PCDHGB2: variants seen among roughly 807,000 people sequenced by gnomAD.
PCDHGB2 encodes protocadherin gamma subfamily B, 2, also known as protocadherin gamma-B2.
Under a neutral mutation model 59.3 loss-of-function variants are expected in PCDHGB2, and 55 were observed. The ratio of observed to expected loss-of-function variants is 0.93; its 90% CI spans 0.75 to 1.16. The LOEUF (loss-of-function observed/expected upper bound fraction) is 1.16. Ranked by LOEUF, PCDHGB2 falls within the 50% of genes most tolerant of loss-of-function variation. PCDHGB2 has a pLI of 0.00. For missense variants in PCDHGB2, 1,228 were observed against 1,198.5 expected, an observed-to-expected ratio of 1.02 and a Z score of -0.36; for synonymous variants, 516 against 512.0, an observed-to-expected ratio of 1.01 and a Z score of -0.11.
chr5:141,427,881 C>T (rs774499492), intron 1 of PCDHGB2: 6 of 1,563,720 alleles, frequency 3.8e-6, no homozygotes, highest in South Asian at 3.3e-5. Context: ...GATGCAGGCC[C>T]ACGACCAGGG....
intron 1 of PCDHGB2, among the ~76,000 whole-genome samples, chr5:141,437,452 G>GACTAT (rs1319101256): frequency 6.6e-6 from 1 of 152,144 alleles, no homozygotes; most frequent in Non-Finnish European, 1.5e-5. Context: ...ATGTTGAGGA[G>GACTAT]ACTATACTAT....
Position 141,432,016 on chromosome 5 carries a change from C to T in PCDHGB2, c.2422-62791C>T, listed in dbSNP as rs771650925. The T allele has an allele frequency of 1.2e-6, 2 of 1,614,202 alleles. No homozygotes were observed. The highest frequency in any genetic ancestry group is 3.3e-5 in the Admixed American group (2 of 60,030). On this transcript the variant is annotated intron_variant, in intron 1 of 3. Coordinates refer to ENST00000522605, the MANE Select transcript of PCDHGB2 (RefSeq NM_018923.3). This position sits in a 1 kb window ranked among gnomAD's most constrained non-coding sequence, Gnocchi z 6.0. ...ATAGGGAACAGGTTCCTAGCTACAA[C>T]ATCACAGTGACCGCCACTGACCGGG...
intron 1 of PCDHGB2, chr5:141,372,617 C>A: frequency 6.2e-7 from 1 of 1,614,010 alleles, no homozygotes; most frequent in South Asian, 1.1e-5. Flanking sequence ...GAGTTCTCCC[C>A]ACCTACAGCG....
intron 1 of PCDHGB2, chr5:141,415,782 T>C: frequency 7.4e-7 from 1 of 1,356,228 alleles, no homozygotes. Context: ...TACTTTCTGG[T>C]AAAATTCACC....
Position 141,456,465 on chromosome 5 carries a change from C to T in PCDHGB2, c.2422-38342C>T, listed in dbSNP as rs553441797. ...ACAGAGTCCAAATATCAATACAAGA[C>T]ATATAAGCAAGAGAGTGCTTAATAA... On this transcript the variant is annotated intron_variant, in intron 1 of 3. Coordinates refer to ENST00000522605, the MANE Select transcript of PCDHGB2 (RefSeq NM_018923.3). 2.6e-5 allele frequency among the ~76,000 whole-genome samples: 4 copies of T among 152,212 alleles called. No homozygotes were observed. In the East Asian group the frequency reaches 7.7e-4, roughly 29 times the overall value.
intron 1 of PCDHGB2, chr5:141,384,132 C>T (rs1290502346): frequency 6.2e-7 from 1 of 1,611,710 alleles, no homozygotes; most frequent in Non-Finnish European, 8.5e-7. Context: ...AAAACTTGGA[C>T]CGGGAAACAC....
intron 2 of PCDHGB2, 88 bp from the exon 3 acceptor site, chr5:141,505,305 C>G (rs1363643214): frequency 1.0e-5 from 16 of 1,595,104 alleles, no homozygotes; most frequent in African/African-American, 2.7e-5. Flanking sequence ...GGTTAGGGTA[C>G]TAGGTTTGGG....
intron 1 of PCDHGB2, chr5:141,441,799 G>C (rs546770596): frequency 2.6e-6 from 1 of 385,350 alleles, no homozygotes; most frequent in Non-Finnish European, 5.2e-6. Context: ...AACGCACCGC[G>C]GGTGCTGTAC....
intron 1 of PCDHGB2, chr5:141,375,591 C>T (rs1177848611): frequency 6.2e-7 from 1 of 1,614,194 alleles, no homozygotes; most frequent in East Asian, 2.2e-5. Flanking sequence ...CCCCTGTCCT[C>T]CTACGTGTCC....
rs201673318 is a variant in PCDHGB2, at chr5:141,421,626, C to G, written c.2421+59070C>G. On this transcript the variant is annotated intron_variant, in intron 1 of 3. Coordinates refer to ENST00000522605, the MANE Select transcript of PCDHGB2 (RefSeq NM_018923.3). ...TAGATATTAATGATAACGCCCCCAG[C>G]TTCCAGGAGGACGAAGTGGAGATAA... 1.9e-6 allele frequency: 3 copies of G among 1,613,842 alleles called. No individual in the cohort carries two copies. In the African/African-American group the frequency reaches 4.0e-5, roughly 21 times the overall value.
chr5:141,375,876 C>T, intron 1 of PCDHGB2: 1 of 1,613,848 alleles, frequency 6.2e-7, no homozygotes, highest in Non-Finnish European at 8.5e-7. Context: ...GACAGAGACT[C>T]GGGCCAGAAC....
chr5:141,497,832 G>C (rs1326640712), intron 2 of PCDHGB2, among the ~76,000 whole-genome samples: 1 of 151,992 alleles, frequency 6.6e-6, no homozygotes, highest in East Asian at 1.9e-4. Context: ...GATCGCCCCC[G>C]GCCACAACAA....
chr5:141,371,968 T>C (rs768442022), intron 1 of PCDHGB2: 3 of 1,613,154 alleles, frequency 1.9e-6, no homozygotes, highest in Admixed American at 1.7e-5. Context: ...CACGAGCAGC[T>C]GCGTGCCTTC....
rs761731200 is a variant in PCDHGB2, at chr5:141,477,252, T to C, written c.2422-17555T>C. The C allele has an allele frequency of 1.2e-6, 2 of 1,614,182 alleles. No homozygotes were observed. The highest frequency in any genetic ancestry group is 8.5e-7 in the Non-Finnish European group (1 of 1,180,034). ...ATCGCTTTGCTCAGTGTGACTGACCTGGATGCTGGCGAGAACGGGCTGGTG... is the reference window on the plus strand; with the variant it reads ...ATCGCTTTGCTCAGTGTGACTGACCCGGATGCTGGCGAGAACGGGCTGGTG... On this transcript the variant is annotated intron_variant, in intron 1 of 3. Transcript: ENST00000522605. The surrounding 1 kb of genome is among the most constrained non-coding windows in gnomAD (Gnocchi z 4.9).
chr5:141,413,134 G>A, intron 1 of PCDHGB2: 1 of 1,543,438 alleles, frequency 6.5e-7, no homozygotes, highest in South Asian at 1.3e-5. Flanking sequence ...AACACACAAC[G>A]TGTCCAGTGA....
intron 1 of PCDHGB2, chr5:141,399,025 CAAAAG>C (rs750003738): frequency 6.8e-6 from 11 of 1,613,846 alleles, no homozygotes; most frequent in Admixed American, 5.0e-5. Context: ...AATTACCACT[CAAAAG>C]AAACTGGATT....
At position 141,431,258 on chromosome 5, in the gene PCDHGB2, C is replaced by G. The variant is rs754250241; in HGVS notation, c.2422-63549C>G. 6.2e-6 allele frequency: 10 copies of G among 1,614,186 alleles called. No individual in the cohort carries two copies. The highest frequency in any genetic ancestry group is 1.6e-4 in the Middle Eastern group (1 of 6,062). ...GGATCCGGATATCGGGAAGAACTCT[C>G]TGCAGAGCTACGAGCTCAGCCCGAA... On this transcript the variant is annotated intron_variant, in intron 1 of 3. Transcript: ENST00000522605. This position sits in a 1 kb window ranked among gnomAD's most constrained non-coding sequence, Gnocchi z 4.8.
intron 1 of PCDHGB2, chr5:141,393,401 G>C: frequency 6.2e-7 from 1 of 1,614,036 alleles, no homozygotes; most frequent in South Asian, 1.1e-5. Context: ...AGCTGGTGCT[G>C]GAGCGCGCCC....
intron 1 of PCDHGB2, chr5:141,364,358 T>A: frequency 6.4e-7 from 1 of 1,557,016 alleles, no homozygotes; most frequent in South Asian, 1.2e-5. Context: ...GGGCTGGGGC[T>A]GCGGAGAGCT....
Sources: gnomAD v4.1 joint callset for allele counts (sites outside exome capture counted in the v4.1 genomes callset) on GRCh38, gnomAD v4.1.1 for gene constraint, Gnocchi (gnomAD v3.1) non-coding constraint, MANE v1.5 for transcripts, NCBI Gene and HGNC (gene_info 2026-07-23, HGNC 2026-07-21) for gene names.